The following GALNT18 variants were observed in gnomAD, a reference collection of about 807,000 sequenced individuals.
GALNT18 encodes GalNAc-transferase 18.
In GALNT18, 44 loss-of-function variants were observed where a neutral mutation model predicts 69.5. That is an observed-to-expected ratio of 0.63 (90% CI 0.50 to 0.81). The LOEUF is 0.81. Among genes scored for constraint, GALNT18 ranks in the 40% least tolerant of loss-of-function variants. The pLI is 0.00. For missense variants in GALNT18, 715 were observed against 810.0 expected, an observed-to-expected ratio of 0.88 and a Z score of 1.42; for synonymous variants, 364 against 318.2, an observed-to-expected ratio of 1.14 and a Z score of -1.53.
At position 11,421,278 on chromosome 11, in the gene GALNT18, G is replaced by A. The variant is rs775158847; in HGVS notation, c.595+11343C>T. On this transcript the variant is annotated intron_variant, in intron 3 of 10. Transcript: ENST00000227756. This position sits in a 1 kb window ranked among gnomAD's most constrained non-coding sequence, Gnocchi z 5.6. ...GCTGGCAACATGCAGGACTAGAGCT[G>A]GAGAAATGGATTGAGCCCTGGGGCT... Among the ~76,000 whole-genome samples, 29 of 152,180 alleles carry A rather than the reference G, an allele frequency of 1.9e-4. No homozygotes were observed. Among genetic ancestry groups the A allele is most frequent in the Admixed American group, 1.6e-3 (25 of 15,284 alleles).
At chr11:11,519,289 G>A (rs1857344451) in intron 1 of GALNT18, among the ~76,000 whole-genome samples, 1 of 152,194 alleles carries the variant, frequency 6.6e-6, no homozygotes, top group South Asian at 2.1e-4. Flanking sequence ...CAGAGGTAGA[G>A]GCACCCTTGG....
At position 11,540,996 on chromosome 11, in the gene GALNT18, C is replaced by G. The variant is rs140849291; in HGVS notation, c.235+80363G>C. The stretch of plus-strand genomic sequence containing the variant: ...ATTCTCTTTTCTTTGATGGTGGATA[C>G]TTCGGAAAACAGAAATAGAATTACT... On this transcript the variant is annotated intron_variant, in intron 1 of 10. Transcript: ENST00000227756. This position sits in a 1 kb window ranked among gnomAD's most constrained non-coding sequence, Gnocchi z 4.6. Among the ~76,000 whole-genome samples the G allele has an allele frequency of 3.2e-4, 49 of 152,310 alleles. No individual in the cohort carries two copies. Among genetic ancestry groups the G allele is most frequent in the Admixed American group, 1.4e-3 (21 of 15,302 alleles).
chr11:11,606,772 T>C lies in GALNT18; in HGVS notation c.235+14587A>G, dbSNP rs1421380010. On this transcript the variant is annotated intron_variant, in intron 1 of 10. Coordinates refer to ENST00000227756, the MANE Select transcript of GALNT18 (RefSeq NM_198516.3). This position sits in a 1 kb window ranked among gnomAD's most constrained non-coding sequence, Gnocchi z 5.4. ...CCTGAAGTTGAGGGAAGTAACTGGA[T>C]GTAGAGGAAAATTGTCTAGACTTCA... Among the ~76,000 whole-genome samples the C allele has an allele frequency of 1.3e-5, 2 of 152,148 alleles. No individual in the cohort carries two copies. The highest frequency in any genetic ancestry group is 4.8e-5 in the African/African-American group (2 of 41,432).
At chr11:11,431,335 A>G (rs1318483904) in intron 3 of GALNT18, among the ~76,000 whole-genome samples, 2 of 152,178 alleles carry the variant, frequency 1.3e-5, no homozygotes, top group African/African-American at 4.8e-5. Flanking sequence ...GTCTGGCATT[A>G]GTCACTAGGG....
chr11:11,489,200 A>G (rs1348893905), intron 1 of GALNT18, among the ~76,000 whole-genome samples: 19 of 152,212 alleles, frequency 1.2e-4, no homozygotes, highest in Admixed American at 1.2e-3. Context: ...TCCCCACAGG[A>G]GTATGAATGG....
rs148028132 is a variant in GALNT18, at chr11:11,445,856, T to G, written c.428+2888A>C. On this transcript the variant is annotated intron_variant, in intron 2 of 10. Transcript: ENST00000227756. ...GTTCTGTGCAGAGGGAAGGTCTCTCTGTAAGGACGATTGCTCCTCTCCAGC... is the reference window on the plus strand; with the variant it reads ...GTTCTGTGCAGAGGGAAGGTCTCTCGGTAAGGACGATTGCTCCTCTCCAGC... Among the ~76,000 whole-genome samples, 239 of 152,306 alleles carry G rather than the reference T, an allele frequency of 1.6e-3. 6 individuals are homozygous for G. The East Asian group carries it at 0.04, about 25-fold the overall frequency.
intron 1 of GALNT18, among the ~76,000 whole-genome samples, chr11:11,458,815 A>G (rs1855978546): frequency 6.6e-6 from 1 of 152,164 alleles, no homozygotes; most frequent in South Asian, 2.1e-4. Context: ...TTGAGATCCA[A>G]ATCCCAGCCT....
In GALNT18 at chr11:11,340,419, G is replaced by T. The variant is rs535983578; in HGVS notation, c.1278+400C>A. Among the ~76,000 whole-genome samples, 1 of 152,194 alleles carries T rather than the reference G, an allele frequency of 6.6e-6. No individual in the cohort carries two copies. The highest frequency in any genetic ancestry group is 1.5e-5 in the Non-Finnish European group (1 of 68,046). On this transcript the variant is annotated intron_variant, in intron 7 of 10. Transcript: ENST00000227756. This position sits in a 1 kb window ranked among gnomAD's most constrained non-coding sequence, Gnocchi z 4.2. Reference sequence around the variant, plus strand: ...CAATGGAGAAGTTTGAACCTAATCTGTAGGAAGATTAAGATGCTTTTTGTA... The same window carrying T: ...CAATGGAGAAGTTTGAACCTAATCTTTAGGAAGATTAAGATGCTTTTTGTA...
chr11:11,411,266 G>A (rs549737549), intron 3 of GALNT18, among the ~76,000 whole-genome samples: 1 of 152,288 alleles, frequency 6.6e-6, no homozygotes, highest in South Asian at 2.1e-4. Context: ...GTGAGCTGTG[G>A]TCACCACTGC....
At chr11:11,575,190 C>T (rs994912129) in intron 1 of GALNT18, among the ~76,000 whole-genome samples, 7 of 152,084 alleles carry the variant, frequency 4.6e-5, no homozygotes, top group East Asian at 1.9e-4. Context: ...AGCCACTGAA[C>T]GGTCACAGTC....
At chr11:11,381,825 C>A (rs949541993) in intron 3 of GALNT18, among the ~76,000 whole-genome samples, 2 of 152,136 alleles carry the variant, frequency 1.3e-5, no homozygotes, top group Non-Finnish European at 2.9e-5. Flanking sequence ...AGACAGGCTG[C>A]CCAGTGATCC....
At chr11:11,501,316 A>G (rs980375821) in intron 1 of GALNT18, among the ~76,000 whole-genome samples, 6 of 152,222 alleles carry the variant, frequency 3.9e-5, no homozygotes, top group Admixed American at 3.9e-4. Context: ...CAAGACATCG[A>G]TGGGAATGAA....
intron 9 of GALNT18, among the ~76,000 whole-genome samples, chr11:11,308,527 C>A (rs1475745379): frequency 6.6e-6 from 1 of 152,078 alleles, no homozygotes; most frequent in Non-Finnish European, 1.5e-5. Context: ...CCCTTTCCAA[C>A]AAAACAAACC....
rs4910345 is a variant in GALNT18, at chr11:11,453,560, G to A, written c.236-4624C>T. Among the ~76,000 whole-genome samples, 696 of 152,166 alleles carry A rather than the reference G, an allele frequency of 4.6e-3. 5 individuals are homozygous for A. The highest frequency in any genetic ancestry group is 0.015 in the African/African-American group (627 of 41,490). ...ATAGTCTCTGATATGGTTTGGCTAC[G>A]TCCCCACCCAAATCTCATGTTGAAT... On this transcript the variant is annotated intron_variant, in intron 1 of 10. Transcript: ENST00000227756.
intron 9 of GALNT18, among the ~76,000 whole-genome samples, chr11:11,304,559 C>T (rs4910311): frequency 0.61 from 92,952 of 151,944 alleles, 29,247 homozygotes; most frequent in Admixed American, 0.75. Flanking sequence ...TCCCCTGACA[C>T]TCTTCACAAA....
chr11:11,315,896 C>G lies in GALNT18; in HGVS notation c.1512+11190G>C, dbSNP rs868232818. Among the ~76,000 whole-genome samples, 1 of 152,018 alleles carries G rather than the reference C, an allele frequency of 6.6e-6. No homozygotes were observed. The highest frequency in any genetic ancestry group is 2.4e-5 in the African/African-American group (1 of 41,370). On this transcript the variant is annotated intron_variant, in intron 9 of 10. Coordinates refer to ENST00000227756, the MANE Select transcript of GALNT18 (RefSeq NM_198516.3). The surrounding 1 kb of genome is among the most constrained non-coding windows in gnomAD (Gnocchi z 5.6). ...AACCATCCTGCACCGAGAAACTGAA[C>G]GTGTGACAAACAGAAGCTGAGGGTG...
At chr11:11,532,172 A>G (rs897043489) in intron 1 of GALNT18, among the ~76,000 whole-genome samples, 3 of 152,012 alleles carry the variant, frequency 2.0e-5, no homozygotes, top group Non-Finnish European at 2.9e-5. Context: ...CCCCTGGAGG[A>G]CAAGGTAAAA....
intron 1 of GALNT18, among the ~76,000 whole-genome samples, chr11:11,471,470 T>C (rs1856268579): frequency 6.6e-6 from 1 of 152,190 alleles, no homozygotes; most frequent in South Asian, 2.1e-4. Context: ...GACTGGCTGC[T>C]AATCATGGTG....
rs1476404644 is a variant in GALNT18 at position 11,618,571 on chromosome 11, C to CT, written c.235+2787dup. 6.6e-6 allele frequency among the ~76,000 whole-genome samples: 1 copy of CT among 152,192 alleles called. No homozygotes were observed. The highest frequency in any genetic ancestry group is 6.5e-5 in the Admixed American group (1 of 15,280). Reference sequence around the variant, plus strand: ...ACAGACTCCAAGGGACCCTGGGGCCCTCCTGGGAGACAGTTTAGTACGTGG... The same window carrying CT: ...ACAGACTCCAAGGGACCCTGGGGCCCTTCCTGGGAGACAGTTTAGTACGTGG... On this transcript the variant is annotated intron_variant, in intron 1 of 10. Coordinates refer to ENST00000227756, the MANE Select transcript of GALNT18 (RefSeq NM_198516.3). This position sits in a 1 kb window ranked among gnomAD's most constrained non-coding sequence, Gnocchi z 6.1.
Sources: gnomAD v4.1 joint callset for allele counts (sites outside exome capture counted in the v4.1 genomes callset) on GRCh38, gnomAD v4.1.1 for gene constraint, Gnocchi (gnomAD v3.1) non-coding constraint, MANE v1.5 for transcripts, NCBI Gene and HGNC (gene_info 2026-07-23, HGNC 2026-07-21) for gene names.